RNF4: variants seen among roughly 807,000 people sequenced by gnomAD.
RNF4 encodes E3 ubiquitin-protein ligase RNF4.
RNF4 carries 7 observed loss-of-function variants against 24.3 expected under a neutral mutation model. That is an observed-to-expected ratio of 0.29 (90% confidence interval 0.16 to 0.54). The LOEUF (loss-of-function observed/expected upper bound fraction) is 0.54. Among genes scored for constraint, RNF4 ranks in the 20% least tolerant of loss-of-function variants. The pLI, the probability that RNF4 is intolerant of heterozygous loss-of-function variation, is 0.95. For missense variants in RNF4, 209 were observed against 248.5 expected, an observed-to-expected ratio of 0.84 and a Z score of 1.07; for synonymous variants, 83 against 84.3, an observed-to-expected ratio of 0.98 and a Z score of 0.09.
chr4:2,507,573 G>A (rs1333738609), intron 4 of RNF4, among the ~76,000 whole-genome samples: 1 of 152,208 alleles, frequency 6.6e-6, no homozygotes, highest in Non-Finnish European at 1.5e-5. Context: ...TCTAAAGCAA[G>A]TGTGTCTTGG....
intron 2 of RNF4, among the ~76,000 whole-genome samples, chr4:2,491,632 T>A (rs1383861636): frequency 6.6e-6 from 1 of 152,014 alleles, no homozygotes; most frequent in Non-Finnish European, 1.5e-5. Flanking sequence ...AGTAGAGATG[T>A]GATTTCACCA....
At chr4:2,472,862 A>G (rs1215154543) in intron 1 of RNF4, among the ~76,000 whole-genome samples, 1 of 151,248 alleles carries the variant, frequency 6.6e-6, no homozygotes, top group Non-Finnish European at 1.5e-5. Context: ...AACATGGTGA[A>G]ACCCCATCTC....
Position 2,513,976 on chromosome 4 carries a change from T to C in RNF4, c.*157T>C, listed in dbSNP as rs1210409990. 8.0e-6 allele frequency: 8 copies of C among 995,098 alleles called. No homozygotes were observed. In the Admixed American group the frequency reaches 9.2e-5, roughly 11 times the overall value. 61.6% of individuals were successfully genotyped at this position (995,098 alleles called of 1,614,324 possible). On this transcript the variant is annotated 3_prime_UTR_variant, in exon 8 of 8. Coordinates refer to ENST00000314289, the MANE Select transcript of RNF4 (RefSeq NM_002938.5). ...TGTTTCCAACCCCTTCCTTTTGTTA[T>C]CTCCAGTTTGATGCTATGGCGCTGG...
chr4:2,497,241 C>T (rs906420263), intron 3 of RNF4, 120 bp downstream of exon 3: 3 of 627,970 alleles, frequency 4.8e-6, no homozygotes, highest in Non-Finnish European at 8.3e-6. Context: ...GTCTCACACT[C>T]ACCATGTACA....
At chr4:2,479,698 A>G (rs1403167158) in intron 1 of RNF4, among the ~76,000 whole-genome samples, 2 of 152,124 alleles carry the variant, frequency 1.3e-5, no homozygotes, top group East Asian at 1.9e-4. Context: ...GGCCAGTCTC[A>G]AGTATGTCTG....
At chr4:2,491,838 A>T (rs906257676) in intron 2 of RNF4, among the ~76,000 whole-genome samples, 3 of 151,796 alleles carry the variant, frequency 2.0e-5, no homozygotes, top group African/African-American at 7.3e-5. Context: ...GAGTCAAGCA[A>T]TCCTTTCACC....
At chr4:2,506,003 C>G (rs539087433) in intron 4 of RNF4, 2 of 152,104 alleles carry the variant, frequency 1.3e-5, no homozygotes, top group East Asian at 3.9e-4. Flanking sequence ...GTAAGACCCA[C>G]GCATGGAAGC....
intron 4 of RNF4, among the ~76,000 whole-genome samples, chr4:2,502,876 G>A (rs879313502): frequency 2.8e-4 from 43 of 151,572 alleles, no homozygotes; most frequent in Non-Finnish European, 5.4e-4. Context: ...AAAGAAACAG[G>A]GTCTCACTCT....
intron 1 of RNF4, among the ~76,000 whole-genome samples, chr4:2,470,752 C>G (rs1309418048): frequency 1.3e-5 from 2 of 151,950 alleles, no homozygotes; most frequent in Admixed American, 1.3e-4. Context: ...AGTAAACAGT[C>G]GTGGTCCTCC....
intron 2 of RNF4, among the ~76,000 whole-genome samples, chr4:2,491,074 C>T (rs1350777095): frequency 1.3e-5 from 2 of 152,116 alleles, no homozygotes. Context: ...GAGTGAGACT[C>T]TATAAAGTAT....
At chr4:2,502,861 A>G (rs75131312) in intron 4 of RNF4, among the ~76,000 whole-genome samples, 2 of 151,434 alleles carry the variant, frequency 1.3e-5, no homozygotes, top group Admixed American at 6.6e-5. Flanking sequence ...AAAAAAAAGA[A>G]AAGAAAAGAA....
chr4:2,472,699 A>G (rs919805579), intron 1 of RNF4, among the ~76,000 whole-genome samples: 12 of 152,020 alleles, frequency 7.9e-5, no homozygotes, highest in African/African-American at 2.2e-4. Flanking sequence ...GGGTATCAAC[A>G]ATGTAAATTA....
Position 2,513,093 on chromosome 4 carries a change from A to G in RNF4, c.385A>G (p.Thr129Ala), listed in dbSNP as rs368063195. 6 of 1,613,766 alleles carry G rather than the reference A, an allele frequency of 3.7e-6. No homozygotes were observed. In the African/African-American group the frequency reaches 5.3e-5, roughly 14 times the overall value. The change falls in exon 7 of 8, where the codon ACT becomes GCT. Residue 129 changes from threonine to alanine, a missense_variant. Transcript: ENST00000314289. ...GCACTGTGCTCTTAGGCCCTCAGGT[A>G]CTGTCAGTTGTCCCATCTGCATGGA... The part of the protein sequence containing the change: ...EGATGLRPSG[T>A]VSCPICMDGY...
At chr4:2,470,655 A>G (rs1047925528) in intron 1 of RNF4, among the ~76,000 whole-genome samples, 1 of 152,242 alleles carries the variant, frequency 6.6e-6, no homozygotes, top group African/African-American at 2.4e-5. Context: ...TGTACATAAA[A>G]TGAGTAAGAT....
At chr4:2,488,770 T>C in intron 1 of RNF4, among the ~76,000 whole-genome samples, 1 of 152,184 alleles carries the variant, frequency 6.6e-6, no homozygotes, top group African/African-American at 2.4e-5. Context: ...TGCCCCAAGG[T>C]CACAGGTTGG....
At chr4:2,493,821 A>G (rs930853465) in intron 2 of RNF4, among the ~76,000 whole-genome samples, 7 of 151,576 alleles carry the variant, frequency 4.6e-5, no homozygotes, top group African/African-American at 1.7e-4. Context: ...GTCAAAGAGA[A>G]TGGGGTAAAT....
At chr4:2,493,630 G>T (rs1735646419) in intron 2 of RNF4, among the ~76,000 whole-genome samples, 1 of 150,366 alleles carries the variant, frequency 6.7e-6, no homozygotes, top group African/African-American at 2.4e-5. Flanking sequence ...TGTAATCCCA[G>T]CTACTCGGGA....
chr4:2,491,047 A>C (rs565572177), intron 2 of RNF4, among the ~76,000 whole-genome samples: 27 of 152,170 alleles, frequency 1.8e-4, no homozygotes, highest in Non-Finnish European at 3.7e-4. Flanking sequence ...ACACCACTGC[A>C]TTTCGGCAGG....
chr4:2,477,716 C>T (rs999214808), intron 1 of RNF4, among the ~76,000 whole-genome samples: 21 of 152,196 alleles, frequency 1.4e-4, no homozygotes, highest in African/African-American at 4.1e-4. Context: ...GAAGCCTCCC[C>T]GGCCATTTGG....
Sources: allele counts gnomAD v4.1 joint callset (sites outside exome capture counted in the v4.1 genomes callset), GRCh38; gene constraint gnomAD v4.1.1; transcripts MANE v1.5; gene names NCBI Gene and HGNC (gene_info 2026-07-23, HGNC 2026-07-21).